The following C12orf42 variants were observed in gnomAD, a reference collection of about 807,000 sequenced individuals.
The protein encoded by C12orf42 is uncharacterized protein C12orf42.
Under a neutral mutation model 21.6 loss-of-function variants are expected in C12orf42, and 25 were observed. That is an observed-to-expected ratio of 1.16 (90% CI 0.84 to 1.62). The LOEUF (loss-of-function observed/expected upper bound fraction) is 1.62. Ranked by LOEUF, C12orf42 falls within the 40% of genes most tolerant of loss-of-function variation. The pLI, the probability that C12orf42 is intolerant of heterozygous loss-of-function variation, is 0.00. For missense variants in C12orf42, 483 were observed against 459.3 expected (o/e 1.05, Z -0.47); for synonymous variants, 174 against 175.0 (o/e 0.99, Z 0.05).
At chr12:103,425,782 C>T (rs1949758562) in intron 2 of C12orf42, among the ~76,000 whole-genome samples, 2 of 152,114 alleles carry the variant, frequency 1.3e-5, no homozygotes, top group Non-Finnish European at 2.9e-5. Flanking sequence ...TTCTGCCTTT[C>T]TTTCAGAGAT....
At chr12:103,331,650 T>C (rs1259619755) in intron 4 of C12orf42, among the ~76,000 whole-genome samples, 1 of 152,196 alleles carries the variant, frequency 6.6e-6, no homozygotes, top group Non-Finnish European at 1.5e-5. Context: ...AGAATTACAA[T>C]GCAGAGGTAA....
chr12:103,167,281 A>G, the C12orf42 span, among the ~76,000 whole-genome samples: 1 of 152,204 alleles, frequency 6.6e-6, no homozygotes, highest in African/African-American at 2.4e-5. Flanking sequence ...GCAGGAGATT[A>G]GGAGCTGCAT....
the C12orf42 span, among the ~76,000 whole-genome samples, chr12:103,543,468 C>T: frequency 6.6e-6 from 1 of 151,868 alleles, no homozygotes; most frequent in Non-Finnish European, 1.5e-5. Flanking sequence ...ATAAAATTAT[C>T]CAGACATGGT....
the C12orf42 span, among the ~76,000 whole-genome samples, chr12:103,517,260 C>T: frequency 6.6e-6 from 1 of 152,182 alleles, no homozygotes; most frequent in Non-Finnish European, 1.5e-5. Flanking sequence ...GTAAGGCAGA[C>T]AAGTTGCTTT....
intron 10 of C12orf42, among the ~76,000 whole-genome samples, chr12:103,258,979 G>A (rs2034757438): frequency 1.3e-5 from 2 of 152,044 alleles, no homozygotes; most frequent in South Asian, 2.1e-4. Context: ...GAGAAAAAAT[G>A]GCCAAGCAAT....
chr12:103,061,583 G>A, the C12orf42 span, among the ~76,000 whole-genome samples: 1 of 151,434 alleles, frequency 6.6e-6, no homozygotes, highest in Non-Finnish European at 1.5e-5. Context: ...ATTTAGAATT[G>A]TTTTATATAA....
the C12orf42 span, among the ~76,000 whole-genome samples, chr12:103,051,550 C>G: frequency 6.5e-4 from 99 of 152,234 alleles, 1 homozygote; most frequent in Admixed American, 1.4e-3. Flanking sequence ...TGTAAATATT[C>G]TTCTTTTAGG....
the C12orf42 span, among the ~76,000 whole-genome samples, chr12:103,171,929 G>C: frequency 1.3e-5 from 2 of 152,126 alleles, no homozygotes; most frequent in African/African-American, 2.4e-5. Flanking sequence ...ATAACACAGG[G>C]AGAAAATGTA....
the C12orf42 span, among the ~76,000 whole-genome samples, chr12:103,545,344 G>A: frequency 6.6e-6 from 1 of 152,212 alleles, no homozygotes; most frequent in East Asian, 1.9e-4. Context: ...GCAAATAAAT[G>A]TATATAATAT....
the C12orf42 span, among the ~76,000 whole-genome samples, chr12:103,118,615 G>T: frequency 4.0e-5 from 6 of 151,716 alleles, no homozygotes; most frequent in Admixed American, 2.6e-4. Flanking sequence ...TGGCTAACAC[G>T]GTGAAACCCC....
chr12:103,130,562 G>A, the C12orf42 span, among the ~76,000 whole-genome samples: 1 of 152,122 alleles, frequency 6.6e-6, no homozygotes, highest in African/African-American at 2.4e-5. Context: ...CTAAGGGAAA[G>A]GTTAGTGTGC....
the C12orf42 span, among the ~76,000 whole-genome samples, chr12:103,143,108 G>A: frequency 6.6e-6 from 1 of 152,064 alleles, no homozygotes; most frequent in Non-Finnish European, 1.5e-5. Flanking sequence ...TTCACCTCAG[G>A]GAATAACTAG....
chr12:103,467,201 C>T (rs368690496), intron 2 of C12orf42, among the ~76,000 whole-genome samples: 3 of 152,120 alleles, frequency 2.0e-5, no homozygotes, highest in African/African-American at 4.8e-5. Flanking sequence ...CATGTACTTA[C>T]AAGAATTTTA....
At chr12:103,141,424 A>C in the C12orf42 span, among the ~76,000 whole-genome samples, 16 of 152,328 alleles carry the variant, frequency 1.1e-4, no homozygotes, top group Non-Finnish European at 2.4e-4. Flanking sequence ...AATGACATGC[A>C]GGCTGAAATG....
the C12orf42 span, among the ~76,000 whole-genome samples, chr12:103,527,212 C>T: frequency 6.6e-6 from 1 of 152,060 alleles, no homozygotes; most frequent in Non-Finnish European, 1.5e-5. Flanking sequence ...TTCTTTTCTG[C>T]CACTGGACAT....
intron 3 of C12orf42, among the ~76,000 whole-genome samples, chr12:103,369,449 T>A (rs1166093672): frequency 1.3e-5 from 2 of 151,618 alleles, no homozygotes; most frequent in Admixed American, 1.3e-4. Flanking sequence ...GGGTGATACA[T>A]TTTCATACAG....
chr12:103,428,626 A>G (rs562741556), intron 2 of C12orf42, among the ~76,000 whole-genome samples: 90 of 152,284 alleles, frequency 5.9e-4, no homozygotes, highest in Middle Eastern at 3.4e-3. Context: ...TATGAGTCCA[A>G]TGTCATCCTG....
chr12:103,100,611 C>G, the C12orf42 span, among the ~76,000 whole-genome samples: 1 of 152,042 alleles, frequency 6.6e-6, no homozygotes, highest in African/African-American at 2.4e-5. Context: ...TTGGTTGGCC[C>G]AAGGAAGAAA....
At chr12:103,259,957 A>C (rs2034810305) in intron 10 of C12orf42, among the ~76,000 whole-genome samples, 1 of 152,214 alleles carries the variant, frequency 6.6e-6, no homozygotes, top group African/African-American at 2.4e-5. Flanking sequence ...TCAATCAGAT[A>C]GTTAAAAAAA....
Sources: gnomAD v4.1 joint callset for allele counts (sites outside exome capture counted in the v4.1 genomes callset) on GRCh38, gnomAD v4.1.1 for gene constraint, MANE v1.5 for transcripts, NCBI Gene and HGNC (gene_info 2026-07-23, HGNC 2026-07-21) for gene names.